The following DMD variants were observed in gnomAD, a reference collection of about 807,000 sequenced individuals.
The protein encoded by DMD is dystrophin.
A neutral mutation model predicts 330.1 loss-of-function variants in DMD; 63 were observed. The ratio of observed to expected loss-of-function variants is 0.19; its 90% confidence interval spans 0.16 to 0.24. The LOEUF is 0.24. Among genes scored for constraint, DMD ranks in the 10% least tolerant of loss-of-function variants. The pLI is 1.00. For missense variants in DMD, 3,344 were observed against 2,684.1 expected, an observed-to-expected ratio of 1.25 and a Z score of -5.43; for synonymous variants, 1,223 against 959.8, an observed-to-expected ratio of 1.27 and a Z score of -5.07.
intron 60 of DMD, chrX:31,435,690 C>T (rs777213313): frequency 1.8e-5 from 2 of 111,541 alleles, no homozygotes; most frequent in East Asian, 2.8e-4. Flanking sequence ...AAGGAGGAGT[C>T]GGGAATCTTA....
At chrX:31,959,307 G>T (rs2095277541) in intron 45 of DMD, among the ~76,000 whole-genome samples, 1 of 111,154 alleles carries the variant, frequency 9.0e-6, no homozygotes, top group Non-Finnish European at 1.9e-5. Context: ...TCCATGACCT[G>T]GTCCATCTTG....
At chrX:32,773,491 C>A (rs2073834172) in intron 7 of DMD, among the ~76,000 whole-genome samples, 1 of 105,200 alleles carries the variant, frequency 9.5e-6, no homozygotes, top group African/African-American at 3.4e-5. Context: ...AGATCTGATT[C>A]CTTCTATCTA....
intron 44 of DMD, among the ~76,000 whole-genome samples, chrX:32,167,590 A>G (rs1373406092): frequency 1.8e-5 from 2 of 112,514 alleles, no homozygotes; most frequent in Non-Finnish European, 3.7e-5. Context: ...GTTACAAATG[A>G]TATTTTACAC....
chrX:32,710,769 T>A (rs1486999423), intron 7 of DMD, among the ~76,000 whole-genome samples: 1 of 111,328 alleles, frequency 9.0e-6, no homozygotes, highest in Admixed American at 9.6e-5. Flanking sequence ...AATTTTGTGC[T>A]AAGCGTCTGC....
rs1480710100 is a variant in DMD, at chrX:31,121,766, A to ACTGT, written c.*149_*152dup. 1 of 802,491 alleles carries ACTGT rather than the reference A, an allele frequency of 1.2e-6. No homozygotes were observed. Among genetic ancestry groups the ACTGT allele is most frequent in the South Asian group, 2.1e-5 (1 of 48,348 alleles). 66.1% of individuals were successfully genotyped at this position (802,491 alleles called of 1,213,427 possible). A position where few individuals can be genotyped will look rare whatever the true frequency, so the allele number is the denominator to read the frequency against. ...ATAGATTTATTTCTTGTAAACTCTT[A>ACTGT]CTGTCTAATCCTCTTTGTTGTATGA... On this transcript the variant is annotated 3_prime_UTR_variant, in exon 79 of 79. Transcript: ENST00000357033.
chrX:31,386,412 G>C (rs1209323777), intron 60 of DMD, among the ~76,000 whole-genome samples: 1 of 111,730 alleles, frequency 9.0e-6, no homozygotes, highest in Non-Finnish European at 1.9e-5. Context: ...TGTTGATGGG[G>C]GTTGGTTTTC....
intron 62 of DMD, among the ~76,000 whole-genome samples, chrX:31,280,803 T>A (rs763588214): frequency 9.0e-6 from 1 of 111,615 alleles, no homozygotes; most frequent in East Asian, 2.8e-4. Flanking sequence ...ACAAGTGACC[T>A]TAAAGGTTAA....
intron 62 of DMD, among the ~76,000 whole-genome samples, chrX:31,301,632 T>C (rs1054153822): frequency 1.8e-5 from 2 of 112,453 alleles, no homozygotes; most frequent in African/African-American, 6.5e-5. Flanking sequence ...CAATTTGACA[T>C]GACATTTGGG....
rs143378032 is a variant in DMD at position 32,930,533 on chromosome X, C to T, written c.94-80713G>A. Among the ~76,000 whole-genome samples the T allele has an allele frequency of 3.0e-3, 335 of 110,710 alleles. 5 individuals are homozygous for T. In the East Asian group the frequency reaches 0.057, roughly 19 times the overall value. On this transcript the variant is annotated intron_variant, in intron 2 of 78. Coordinates refer to ENST00000357033, the MANE Select transcript of DMD (RefSeq NM_004006.3). ...CAACTAATCAAGACGCTTTTAAATG[C>T]CTTCACAATCTAATCATAACCTGCT...
At chrX:32,435,275 CATATATATATAT>C (rs57376337) in intron 29 of DMD, among the ~76,000 whole-genome samples, 2 of 79,655 alleles carry the variant, frequency 2.5e-5, no homozygotes, top group African/African-American at 4.1e-5. Context: ...TATATACTTA[CATATATATATAT>C]ATATATATAT....
chrX:31,246,650 G>A (rs1026510083), intron 63 of DMD, among the ~76,000 whole-genome samples: 1 of 112,055 alleles, frequency 8.9e-6, no homozygotes, highest in South Asian at 3.7e-4. Flanking sequence ...AAATCAGGCC[G>A]GGCACAGTGG....
chrX:33,125,702 C>A (rs145599160), intron 1 of DMD, among the ~76,000 whole-genome samples: 1 of 111,260 alleles, frequency 9.0e-6, no homozygotes, highest in African/African-American at 3.3e-5. Flanking sequence ...AGCAAAATAT[C>A]CAGTTTTTTC....
At chrX:32,843,689 G>A (rs1321931499) in intron 4 of DMD, among the ~76,000 whole-genome samples, 1 of 111,924 alleles carries the variant, frequency 8.9e-6, no homozygotes. Flanking sequence ...TTGAAAGAGA[G>A]AGGTAATGTA....
At chrX:31,129,516 G>T (rs1269814814) in intron 77 of DMD, among the ~76,000 whole-genome samples, 1 of 111,786 alleles carries the variant, frequency 8.9e-6, no homozygotes, top group Non-Finnish European at 1.9e-5. Flanking sequence ...CCCATAAAGG[G>T]CCAGATAGTA....
intron 11 of DMD, among the ~76,000 whole-genome samples, chrX:32,624,755 G>A (rs1480686439): frequency 8.9e-6 from 1 of 111,805 alleles, no homozygotes. Context: ...ATTCTAAGAC[G>A]TAGTATTTTT....
At chrX:31,509,395 T>C (rs1205401916) in intron 55 of DMD, among the ~76,000 whole-genome samples, 1 of 112,062 alleles carries the variant, frequency 8.9e-6, no homozygotes, top group Non-Finnish European at 1.9e-5. Flanking sequence ...TTCACTTGTC[T>C]TTTACTTTAC....
chrX:31,387,647 G>A (rs760606324), intron 60 of DMD, among the ~76,000 whole-genome samples: 4 of 111,785 alleles, frequency 3.6e-5, no homozygotes, highest in Admixed American at 9.4e-5. Flanking sequence ...TGATCCACCC[G>A]CCTTGGCCTC....
intron 9 of DMD, among the ~76,000 whole-genome samples, chrX:32,695,139 T>A (rs2063554752): frequency 8.9e-6 from 1 of 112,549 alleles, no homozygotes; most frequent in Non-Finnish European, 1.9e-5. Flanking sequence ...GTATGAATAC[T>A]GCTCTATGTG....
chrX:31,918,690 T>A (rs1378770041), intron 47 of DMD, among the ~76,000 whole-genome samples: 2 of 110,210 alleles, frequency 1.8e-5, no homozygotes, highest in Non-Finnish European at 3.8e-5. Context: ...CAGGCTGGAA[T>A]GCAGTGGCGT....
Sources: gnomAD v4.1 joint callset for allele counts (sites outside exome capture counted in the v4.1 genomes callset) on GRCh38, gnomAD v4.1.1 for gene constraint, MANE v1.5 for transcripts, NCBI Gene and HGNC (gene_info 2026-07-23, HGNC 2026-07-21) for gene names.